Variants in ZDHHC7 observed in about 807,000 individuals in gnomAD.
ZDHHC7 encodes the protein zDHHC palmitoyltransferase 7, also known as palmitoyltransferase ZDHHC7.
In ZDHHC7, 12 loss-of-function variants were observed where a neutral mutation model predicts 34.1. The observed-to-expected ratio is 0.35, with a 90% CI of 0.23 to 0.57. ZDHHC7 has a LOEUF of 0.57. Ranked by LOEUF, ZDHHC7 falls within the 20% of genes least tolerant of loss-of-function variation. The probability of loss-of-function intolerance (pLI) is 0.84; values close to 1 mark genes in which losing one functional copy is unlikely to be tolerated. For missense variants in ZDHHC7, 388 were observed against 402.7 expected, an observed-to-expected ratio of 0.96 and a Z score of 0.31; for synonymous variants, 185 against 155.4, an observed-to-expected ratio of 1.19 and a Z score of -1.42.
intron 4 of ZDHHC7, among the ~76,000 whole-genome samples, chr16:84,980,209 C>T (rs2072350010): frequency 6.6e-6 from 1 of 151,408 alleles, no homozygotes; most frequent in Admixed American, 6.6e-5. Flanking sequence ...TCGTGATCCG[C>T]CCACCCCGGC....
At chr16:85,003,961 C>T (rs1019989292) in intron 1 of ZDHHC7, among the ~76,000 whole-genome samples, 2 of 152,130 alleles carry the variant, frequency 1.3e-5, no homozygotes, top group African/African-American at 4.8e-5. Context: ...GCTTAGTCCT[C>T]GGCCTTCCCT....
rs141894546 is a variant in ZDHHC7, at chr16:84,977,110, T to A, written c.735A>T (p.Ile245=). The A allele has an allele frequency of 1.2e-6, 2 of 1,614,130 alleles. No individual in the cohort carries two copies. Among genetic ancestry groups the A allele is most frequent in the Non-Finnish European group, 1.7e-6 (2 of 1,180,012 alleles). ...AVMFGTQIHS[I]CNDETEIERL... ...CAAAGCTTACCGTCTCGTCGTTGCA[T>A]ATGGAGTGGATTTGGGTGCCAAACA... is the stretch of plus-strand genomic sequence containing the variant. The change falls in exon 7 of 8, where the codon ATA becomes ATT. Residue 245 remains isoleucine (I), a synonymous_variant. Coordinates refer to ENST00000313732, the MANE Select transcript of ZDHHC7 (RefSeq NM_017740.3).
At chr16:85,012,660 T>C (rs2072809379), upstream of ZDHHC7, among the ~76,000 whole-genome samples, 1 of 152,078 alleles carries the variant, frequency 6.6e-6, no homozygotes, top group Admixed American at 6.5e-5. Context: ...TCCCAGCACT[T>C]GTAGGAGGCC....
chr16:85,027,527 C>A, the ZDHHC7 span, among the ~76,000 whole-genome samples: 1 of 152,238 alleles, frequency 6.6e-6, no homozygotes, highest in African/African-American at 2.4e-5. Context: ...CCCACCCACT[C>A]CTCCCAGAGT....
the ZDHHC7 span, among the ~76,000 whole-genome samples, chr16:85,021,187 G>A: frequency 2.0e-5 from 3 of 152,002 alleles, no homozygotes; most frequent in Admixed American, 1.3e-4. Flanking sequence ...GCCGAGGTGG[G>A]CGGATCACAA....
intron 2 of ZDHHC7, among the ~76,000 whole-genome samples, chr16:84,991,885 T>A (rs762942616): frequency 4.6e-5 from 7 of 151,906 alleles, no homozygotes; most frequent in Non-Finnish European, 8.8e-5. Context: ...TCTAAGAACA[T>A]ACAAGATCTA....
In ZDHHC7 at chr16:84,975,777, A is replaced by AG. The variant is rs1477031581; in HGVS notation, c.*565dup. On this transcript the variant is annotated 3_prime_UTR_variant, in exon 8 of 8. Coordinates refer to ENST00000313732, the MANE Select transcript of ZDHHC7 (RefSeq NM_017740.3). ...CACACAGACTTGCTGAGAGGGTCAAAGGATGTCTCTTCCGGGGCAGCGGGG... is the reference window on the plus strand; with the variant it reads ...CACACAGACTTGCTGAGAGGGTCAAAGGGATGTCTCTTCCGGGGCAGCGGGG... The AG allele has an allele frequency of 6.4e-6, 1 of 156,532 alleles. No homozygotes were observed. Among genetic ancestry groups the AG allele is most frequent in the Non-Finnish European group, 1.4e-5 (1 of 70,938 alleles). 9.7% of individuals were successfully genotyped at this position (156,532 alleles called of 1,614,324 possible). A position where few individuals can be genotyped will look rare whatever the true frequency, so the allele number is the denominator to read the frequency against.
At chr16:85,018,916 T>C in the ZDHHC7 span, among the ~76,000 whole-genome samples, 2 of 152,162 alleles carry the variant, frequency 1.3e-5, no homozygotes, top group African/African-American at 4.8e-5. Context: ...GCCAGAAGAC[T>C]GAAATTCCAC....
At chr16:84,980,532 T>A (rs1247974662) in intron 4 of ZDHHC7, among the ~76,000 whole-genome samples, 1 of 151,734 alleles carries the variant, frequency 6.6e-6, no homozygotes, top group African/African-American at 2.4e-5. Context: ...CAGCCAGGCA[T>A]GGTGGCGGGC....
intron 3 of ZDHHC7, chr16:84,988,680 G>A (rs2072468815): frequency 8.2e-7 from 1 of 1,224,370 alleles, no homozygotes; most frequent in Non-Finnish European, 1.2e-6. Flanking sequence ...GAAGGGGCAA[G>A]TGCGCTTGTC....
chr16:84,985,351 T>C (rs1219589705), intron 3 of ZDHHC7, among the ~76,000 whole-genome samples: 2 of 152,220 alleles, frequency 1.3e-5, no homozygotes, highest in Non-Finnish European at 2.9e-5. Context: ...TCCCCTGCTC[T>C]CCACCCCAGC....
At chr16:85,026,405 G>A in the ZDHHC7 span, among the ~76,000 whole-genome samples, 1 of 152,054 alleles carries the variant, frequency 6.6e-6, no homozygotes, top group Non-Finnish European at 1.5e-5. Flanking sequence ...CACCAAGCTG[G>A]AGACACCCTG....
intron 2 of ZDHHC7, among the ~76,000 whole-genome samples, chr16:84,991,985 G>C (rs1176601937): frequency 2.0e-5 from 3 of 151,758 alleles, no homozygotes; most frequent in Non-Finnish European, 4.4e-5. Flanking sequence ...AGACCAGCCT[G>C]GTCAACATGG....
chr16:85,001,882 C>T (rs2072657417), intron 1 of ZDHHC7, among the ~76,000 whole-genome samples: 2 of 150,862 alleles, frequency 1.3e-5, no homozygotes, highest in Admixed American at 6.7e-5. Context: ...GTTTTTAATA[C>T]CATTCTCTAA....
At chr16:84,998,331 G>A (rs1259829109) in intron 1 of ZDHHC7, among the ~76,000 whole-genome samples, 1 of 151,188 alleles carries the variant, frequency 6.6e-6, no homozygotes, top group Non-Finnish European at 1.5e-5. Flanking sequence ...GTTGAGCACA[G>A]GGGTCCCTGG....
chr16:85,013,791 A>C (rs1486089289), upstream of ZDHHC7, among the ~76,000 whole-genome samples: 3 of 152,068 alleles, frequency 2.0e-5, no homozygotes, highest in Non-Finnish European at 4.4e-5. Flanking sequence ...GGGTTCAAGC[A>C]ATTCTCCTGC....
upstream of ZDHHC7, among the ~76,000 whole-genome samples, chr16:85,014,916 A>C (rs2072827976): frequency 6.6e-6 from 1 of 151,950 alleles, no homozygotes; most frequent in Non-Finnish European, 1.5e-5. Flanking sequence ...TAATGTCGTG[A>C]GGTTGGGGGA....
chr16:84,986,347 C>T (rs954385791), intron 3 of ZDHHC7, among the ~76,000 whole-genome samples: 7 of 152,238 alleles, frequency 4.6e-5, no homozygotes, highest in Non-Finnish European at 2.9e-5. Flanking sequence ...TGTTCTCACA[C>T]GGATGCTACA....
chr16:84,989,226 T>C (rs895298175), intron 3 of ZDHHC7, among the ~76,000 whole-genome samples: 65 of 152,228 alleles, frequency 4.3e-4, no homozygotes, highest in Non-Finnish European at 1.3e-4. Context: ...GCCCTCTGGT[T>C]GGGCCTATAA....
Sources: allele counts gnomAD v4.1 joint callset (sites outside exome capture counted in the v4.1 genomes callset), GRCh38; gene constraint gnomAD v4.1.1; transcripts MANE v1.5; gene names NCBI Gene and HGNC (gene_info 2026-07-23, HGNC 2026-07-21).